Variants in PKNOX2 observed in about 807,000 individuals in gnomAD.
PKNOX2 encodes PBX/knotted 1 homeobox 2, also known as homeobox protein PKNOX2.
PKNOX2 carries 14 observed loss-of-function variants against 53.1 expected under a neutral mutation model. The observed-to-expected ratio is 0.26, with a 90% CI of 0.17 to 0.41. The LOEUF is 0.41. PKNOX2 is among the 10% of genes least tolerant of loss of function. The pLI is 1.00. For missense variants in PKNOX2, 496 were observed against 602.8 expected (o/e 0.82, Z 1.85); for synonymous variants, 257 against 242.8 (o/e 1.06, Z -0.54).
At chr11:125,199,612 G>A (rs1160960295) in intron 1 of PKNOX2, among the ~76,000 whole-genome samples, 1 of 152,206 alleles carries the variant, frequency 6.6e-6, no homozygotes, top group Non-Finnish European at 1.5e-5. Flanking sequence ...GGGAGGCCAA[G>A]GCCGGTGGAT....
At chr11:125,303,874 G>A (rs139129631) in intron 2 of PKNOX2, among the ~76,000 whole-genome samples, 1 of 152,318 alleles carries the variant, frequency 6.6e-6, no homozygotes, top group African/African-American at 2.4e-5. Context: ...GGAGGCTTAT[G>A]TTTGCATGTC....
intron 4 of PKNOX2, among the ~76,000 whole-genome samples, chr11:125,363,992 G>T (rs1952055876): frequency 1.3e-5 from 2 of 152,124 alleles, no homozygotes; most frequent in South Asian, 4.1e-4. Flanking sequence ...TTAACAATTG[G>T]CTTTCACAGG....
intron 1 of PKNOX2, among the ~76,000 whole-genome samples, chr11:125,199,539 G>A (rs746524542): frequency 6.6e-6 from 1 of 152,196 alleles, no homozygotes; most frequent in African/African-American, 2.4e-5. Context: ...TGGGCTCCTG[G>A]GTTGCTTAAG....
chr11:125,388,733 C>T (rs924078008), intron 6 of PKNOX2, among the ~76,000 whole-genome samples: 1 of 152,028 alleles, frequency 6.6e-6, no homozygotes, highest in Non-Finnish European at 1.5e-5. Flanking sequence ...AAGCAAGTTG[C>T]CCTGTACCAC....
rs759252022 is a variant in PKNOX2 at position 125,431,380 on chromosome 11, C to T, written c.1407C>T (p.Asp469=). 6.3e-7 allele frequency: 1 copy of T among 1,585,410 alleles called. No individual in the cohort carries two copies. Among genetic ancestry groups the T allele is most frequent in the Non-Finnish European group, 8.6e-7 (1 of 1,163,000 alleles). Residue 469 remains aspartate, a synonymous_variant, in exon 13 of 13, where the codon GAC becomes GAT. Coordinates refer to ENST00000298282, the MANE Select transcript of PKNOX2 (RefSeq NM_001382323.2). ...NVSDLGLEHS[D]SLE is the part of the protein sequence containing the mutation. The stretch of plus-strand genomic sequence containing the variant: ...GCGACCTGGGCTTGGAACACAGTGA[C>T]TCCCTGGAGTAGTCGGGCAGCCCAG...
chr11:125,365,114 C>T (rs1225818392), intron 4 of PKNOX2, among the ~76,000 whole-genome samples: 1 of 152,118 alleles, frequency 6.6e-6, no homozygotes, highest in African/African-American at 2.4e-5. Context: ...TCTCCTCCTT[C>T]AGATATTCAA....
chr11:125,278,638 G>A (rs756370499), intron 2 of PKNOX2, among the ~76,000 whole-genome samples: 5 of 151,890 alleles, frequency 3.3e-5, no homozygotes, highest in East Asian at 3.9e-4. Flanking sequence ...GGGAGGGGCC[G>A]ACTTGCTGGA....
intron 1 of PKNOX2, among the ~76,000 whole-genome samples, chr11:125,210,190 G>A (rs113478357): frequency 8.6e-4 from 131 of 152,226 alleles, no homozygotes; most frequent in African/African-American, 3.0e-3. Flanking sequence ...TGATCTGGGA[G>A]TCCTGAAGAG....
intron 3 of PKNOX2, among the ~76,000 whole-genome samples, chr11:125,344,324 G>A (rs895055253): frequency 2.6e-5 from 4 of 152,200 alleles, no homozygotes; most frequent in Non-Finnish European, 4.4e-5. Context: ...TTAGGCCCTC[G>A]GAAGTAGGGC....
intron 2 of PKNOX2, among the ~76,000 whole-genome samples, chr11:125,320,723 A>G (rs1317605374): frequency 6.6e-6 from 1 of 152,144 alleles, no homozygotes. Context: ...AATTGATCAC[A>G]TTTGCTGTGT....
At chr11:125,296,925 C>T (rs941825181) in intron 2 of PKNOX2, among the ~76,000 whole-genome samples, 4 of 152,298 alleles carry the variant, frequency 2.6e-5, no homozygotes, top group South Asian at 2.1e-4. Context: ...CGAGCCATGG[C>T]GCTCAGCGGT....
intron 2 of PKNOX2, among the ~76,000 whole-genome samples, chr11:125,298,712 T>C (rs1172020212): frequency 1.3e-5 from 2 of 152,194 alleles, no homozygotes; most frequent in Non-Finnish European, 2.9e-5. Flanking sequence ...GATGAATGAA[T>C]GAATGAAGCC....
chr11:125,395,931 G>A (rs530669281), intron 6 of PKNOX2, among the ~76,000 whole-genome samples: 9 of 150,068 alleles, frequency 6.0e-5, no homozygotes, highest in South Asian at 2.1e-4. Context: ...TTTTGACAGC[G>A]TCCAGTTCCT....
rs1238672901 is a variant in PKNOX2, at chr11:125,179,425, T to C, written c.-201+14649T>C. Among the ~76,000 whole-genome samples the C allele has an allele frequency of 2.0e-5, 3 of 152,122 alleles. No homozygotes were observed. The East Asian group carries it at 5.8e-4, about 29-fold the overall frequency. Reference sequence around the variant, plus strand: ...GCAGGGCCTCCCTGGGGAGTGATGTTTGAGGTGAGCCTGAAGGGAGACACG... The same window carrying C: ...GCAGGGCCTCCCTGGGGAGTGATGTCTGAGGTGAGCCTGAAGGGAGACACG... On this transcript the variant is annotated intron_variant, in intron 1 of 12. Transcript: ENST00000298282.
chr11:125,417,379 A>T (rs1591565596), intron 10 of PKNOX2, among the ~76,000 whole-genome samples: 1 of 152,030 alleles, frequency 6.6e-6, no homozygotes, highest in Non-Finnish European at 1.5e-5. Flanking sequence ...AGGCCCTGCC[A>T]TCCACCAGAG....
chr11:125,340,431 A>G (rs566633736), intron 3 of PKNOX2, among the ~76,000 whole-genome samples: 1 of 152,290 alleles, frequency 6.6e-6, no homozygotes, highest in East Asian at 1.9e-4. Context: ...ACTTCCAGTT[A>G]AACCTGCAGA....
At chr11:125,393,002 CATAAAAA>C (rs1565514711) in intron 6 of PKNOX2, among the ~76,000 whole-genome samples, 1 of 148,112 alleles carries the variant, frequency 6.8e-6, no homozygotes, top group Non-Finnish European at 1.5e-5. Context: ...ACTAAAAATA[CATAAAAA>C]AAAAAATTAG....
chr11:125,189,445 G>GTATATATATA (rs1956715874), intron 1 of PKNOX2, among the ~76,000 whole-genome samples: 2 of 50,580 alleles, frequency 4.0e-5, no homozygotes, highest in Non-Finnish European at 7.5e-5. Context: ...GTGTGTGTGT[G>GTATATATATA]TGTATATATA....
intron 2 of PKNOX2, among the ~76,000 whole-genome samples, chr11:125,248,429 A>G (rs970176402): frequency 2.0e-5 from 3 of 152,150 alleles, no homozygotes; most frequent in African/African-American, 7.2e-5. Flanking sequence ...AGTAAACAAG[A>G]TGGGCCATTG....
Sources: allele counts gnomAD v4.1 joint callset (sites outside exome capture counted in the v4.1 genomes callset), GRCh38; gene constraint gnomAD v4.1.1; transcripts MANE v1.5; gene names NCBI Gene and HGNC (gene_info 2026-07-23, HGNC 2026-07-21).